ME3: variants seen among roughly 807,000 people sequenced by gnomAD.
ME3 encodes the protein NADP-dependent malic enzyme, mitochondrial.
ME3 carries 48 observed loss-of-function variants against 68.9 expected under a neutral mutation model. The ratio of observed to expected loss-of-function variants is 0.70; its 90% CI spans 0.55 to 0.89. The LOEUF is 0.89. ME3 is among the 40% of genes least tolerant of loss of function. ME3 has a pLI of 0.00. For synonymous variants in ME3, 320 were observed against 318.8 expected (o/e 1.00, Z -0.04); for missense variants, 675 against 797.4 (o/e 0.85, Z 1.85).
At chr11:86,571,147 AGAT>A (rs1341618591) in intron 2 of ME3, among the ~76,000 whole-genome samples, 2 of 152,350 alleles carry the variant, frequency 1.3e-5, no homozygotes, top group South Asian at 2.1e-4. Context: ...TTTCCCTGCA[AGAT>A]GATAAGTTTT....
chr11:86,567,243 A>AAAGAAAGGAACAAAGGAAGG (rs869098620), intron 2 of ME3, among the ~76,000 whole-genome samples: 1 of 144,464 alleles, frequency 6.9e-6, no homozygotes, highest in Non-Finnish European at 1.5e-5. Context: ...GAAAAGAAAG[A>AAAGAAAGGAACAAAGGAAGG]AAGGAAGGAA....
At chr11:86,622,376 TG>T in intron 2 of ME3, among the ~76,000 whole-genome samples, 1 of 151,492 alleles carries the variant, frequency 6.6e-6, no homozygotes, top group South Asian at 2.1e-4. Context: ...ACAGGGATTG[TG>T]GGAGGGCATT....
chr11:86,653,288 A>T (rs916966367), intron 2 of ME3, among the ~76,000 whole-genome samples: 4 of 152,200 alleles, frequency 2.6e-5, no homozygotes, highest in African/African-American at 9.7e-5. Context: ...TCAACAGATT[A>T]TACATTATTT....
intron 7 of ME3, among the ~76,000 whole-genome samples, chr11:86,473,299 C>T (rs941836180): frequency 6.6e-6 from 1 of 152,108 alleles, no homozygotes; most frequent in Non-Finnish European, 1.5e-5. Flanking sequence ...ACATTGGAGT[C>T]GTTGTTTAGA....
intron 2 of ME3, among the ~76,000 whole-genome samples, chr11:86,596,190 C>T (rs1435644351): frequency 1.3e-5 from 2 of 152,028 alleles, no homozygotes; most frequent in Admixed American, 1.3e-4. Flanking sequence ...CATTTTTTTC[C>T]AATGGAAAGC....
intron 7 of ME3, among the ~76,000 whole-genome samples, chr11:86,485,062 G>A (rs1951609940): frequency 1.3e-5 from 2 of 152,162 alleles, no homozygotes; most frequent in African/African-American, 4.8e-5. Flanking sequence ...TTCTGTGACA[G>A]GGAACTCATT....
chr11:86,625,157 G>A (rs1054351880), intron 2 of ME3, among the ~76,000 whole-genome samples: 1 of 151,910 alleles, frequency 6.6e-6, no homozygotes, highest in African/African-American at 2.4e-5. Flanking sequence ...ATACAAAATA[G>A]AAGTGTTCTT....
chr11:86,583,039 T>C (rs376805908), intron 2 of ME3, among the ~76,000 whole-genome samples: 46 of 152,250 alleles, frequency 3.0e-4, no homozygotes, highest in African/African-American at 1.1e-3. Flanking sequence ...GAAGCATTTT[T>C]ATGGCTGAAA....
Position 86,671,890 on chromosome 11 carries a change from AGGCCC to A in ME3, c.50_54del (p.Arg17LeufsTer50). ...GGTGTCCAGCGCGGGAGGGCGCCGC[AGGCCC>A]GGCCCGGCCAGGGAGCCAGCCGCGT... On this transcript the variant is annotated frameshift_variant, in exon 2 of 15. Transcript: ENST00000543262. LOFTEE classifies it high-confidence loss of function. 1 of 1,497,872 alleles carries A rather than the reference AGGCCC, an allele frequency of 6.7e-7. No homozygotes were observed. Among genetic ancestry groups the A allele is most frequent in the Non-Finnish European group, 8.8e-7 (1 of 1,131,284 alleles). 92.8% of individuals were successfully genotyped at this position (1,497,872 alleles called of 1,614,324 possible).
At chr11:86,443,291 C>T (rs1235421233) in intron 13 of ME3, among the ~76,000 whole-genome samples, 5 of 152,362 alleles carry the variant, frequency 3.3e-5, no homozygotes, top group African/African-American at 4.8e-5. Context: ...CCTCCTTCCA[C>T]GTGCTTGGTA....
chr11:86,661,564 G>A (rs1946279375), intron 2 of ME3, among the ~76,000 whole-genome samples: 1 of 152,192 alleles, frequency 6.6e-6, no homozygotes, highest in South Asian at 2.1e-4. Context: ...AGCAATGGAT[G>A]ACTATACTCA....
At chr11:86,524,063 T>A (rs1317487766) in intron 4 of ME3, among the ~76,000 whole-genome samples, 1 of 152,208 alleles carries the variant, frequency 6.6e-6, no homozygotes, top group South Asian at 2.1e-4. Context: ...TAGGCCCCTT[T>A]CCCTGAAAAG....
chr11:86,643,704 T>C (rs557810514), intron 2 of ME3, among the ~76,000 whole-genome samples: 1 of 152,342 alleles, frequency 6.6e-6, no homozygotes. Flanking sequence ...TTTACTCTTA[T>C]GAGCTTGCTA....
At chr11:86,467,162 TTG>T (rs1950522061) in intron 7 of ME3, among the ~76,000 whole-genome samples, 3 of 152,212 alleles carry the variant, frequency 2.0e-5, no homozygotes, top group Admixed American at 2.0e-4. Flanking sequence ...AGTTACTATT[TTG>T]TGTGTGTGGT....
rs141885813 is a variant in ME3 at position 86,462,130 on chromosome 11, A to G, written c.919+2961T>C. On this transcript the variant is annotated intron_variant, in intron 8 of 14. Transcript: ENST00000543262. ...TATGAGCACATGTAGAGGTGCATTT[A>G]TATGTGAGCACAGTCAATCCTTGAA... Among the ~76,000 whole-genome samples the G allele has an allele frequency of 5.6e-3, 848 of 152,356 alleles. 4 individuals carry two copies. The highest frequency in any genetic ancestry group is 7.7e-3 in the Non-Finnish European group (523 of 68,030).
At chr11:86,588,740 C>A (rs1204288557) in intron 2 of ME3, among the ~76,000 whole-genome samples, 1 of 152,118 alleles carries the variant, frequency 6.6e-6, no homozygotes, top group East Asian at 1.9e-4. Flanking sequence ...AGGGCCCTTT[C>A]CCCTGTTAAT....
intron 7 of ME3, among the ~76,000 whole-genome samples, chr11:86,480,101 G>T (rs971846375): frequency 6.6e-6 from 1 of 152,202 alleles, no homozygotes; most frequent in African/African-American, 2.4e-5. Flanking sequence ...TTGTAGGCAT[G>T]AGCCACCGCG....
At chr11:86,616,111 T>G (rs528140528) in intron 2 of ME3, among the ~76,000 whole-genome samples, 1 of 152,326 alleles carries the variant, frequency 6.6e-6, no homozygotes, top group East Asian at 1.9e-4. Context: ...TTCCAGTAAA[T>G]ATTGTCTGCA....
intron 4 of ME3, among the ~76,000 whole-genome samples, chr11:86,553,388 G>A (rs1391937293): frequency 1.3e-5 from 2 of 152,154 alleles, no homozygotes; most frequent in Non-Finnish European, 2.9e-5. Flanking sequence ...AGAAGGTGCT[G>A]GCTCTCTCCC....
Sources: allele counts gnomAD v4.1 joint callset (sites outside exome capture counted in the v4.1 genomes callset), GRCh38; gene constraint gnomAD v4.1.1; transcripts MANE v1.5; gene names NCBI Gene and HGNC (gene_info 2026-07-23, HGNC 2026-07-21).